GRIN2A: variants seen among roughly 807,000 people sequenced by gnomAD.
GRIN2A encodes glutamate receptor ionotropic, NMDA 2A.
Under a neutral mutation model 113.4 loss-of-function variants are expected in GRIN2A, and 22 were observed. That is an observed-to-expected ratio of 0.19 (90% confidence interval 0.14 to 0.28). The LOEUF is 0.28. GRIN2A is among the 10% of genes least tolerant of loss of function. The probability of loss-of-function intolerance (pLI) is 1.00; values close to 1 mark genes in which losing one functional copy is unlikely to be tolerated. For missense variants in GRIN2A, 1,502 were observed against 1,887.0 expected (o/e 0.80, Z 3.78); for synonymous variants, 827 against 738.4 (o/e 1.12, Z -1.94).
chr16:9,852,546 TC>T (rs1252238549), intron 4 of GRIN2A, among the ~76,000 whole-genome samples: 1 of 152,142 alleles, frequency 6.6e-6, no homozygotes, highest in Non-Finnish European at 1.5e-5. Flanking sequence ...TACTCCCTGT[TC>T]CTGACACATC....
chr16:10,007,014 T>G (rs1188149331), intron 2 of GRIN2A, among the ~76,000 whole-genome samples: 1 of 152,256 alleles, frequency 6.6e-6, no homozygotes, highest in Non-Finnish European at 1.5e-5. Context: ...GTACCACATT[T>G]TCTTTATGCA....
chr16:9,906,043 C>T (rs2044022523), intron 3 of GRIN2A, among the ~76,000 whole-genome samples: 1 of 152,186 alleles, frequency 6.6e-6, no homozygotes, highest in Non-Finnish European at 1.5e-5. Flanking sequence ...ATTTCTGTTG[C>T]TTGCTACCAA....
At chr16:10,179,698 A>ACCACCG (rs1439392356) in intron 2 of GRIN2A, 3 of 466,532 alleles carry the variant, frequency 6.4e-6, no homozygotes, top group Non-Finnish European at 1.2e-5. Flanking sequence ...CAAACATGCC[A>ACCACCG]CCACCGCCAC....
rs192263418 is a variant in GRIN2A at position 9,986,743 on chromosome 16, C to A, written c.415-48192G>T. On this transcript the variant is annotated intron_variant, in intron 2 of 12. Transcript: ENST00000330684. ...TCACGCCATTGCACTCCAACCCAGGCAACAGTGCAAGACGCTGTCTCAAAA... is the reference window on the plus strand; with the variant it reads ...TCACGCCATTGCACTCCAACCCAGGAAACAGTGCAAGACGCTGTCTCAAAA... Among the ~76,000 whole-genome samples, 9 of 120,694 alleles carry A rather than the reference C, an allele frequency of 7.5e-5. No homozygotes were observed. In the East Asian group the frequency reaches 9.5e-4, roughly 13 times the overall value. 79.2% of individuals were successfully genotyped at this position (120,694 alleles called of 152,430 possible). A position where few individuals can be genotyped will look rare whatever the true frequency, so the allele number is the denominator to read the frequency against.
intron 2 of GRIN2A, among the ~76,000 whole-genome samples, chr16:10,092,366 G>C (rs970353402): frequency 1.3e-5 from 2 of 152,170 alleles, no homozygotes; most frequent in Admixed American, 6.5e-5. Context: ...ATGCAATGTT[G>C]TGTGAGGTCT....
intron 2 of GRIN2A, among the ~76,000 whole-genome samples, chr16:10,150,455 G>A (rs1017926403): frequency 6.6e-6 from 1 of 152,128 alleles, no homozygotes; most frequent in Non-Finnish European, 1.5e-5. Flanking sequence ...ACAAAACCAG[G>A]TCTATTTTAA....
At position 9,937,834 on chromosome 16, in the gene GRIN2A, C is replaced by T. The variant is rs1473097087; in HGVS notation, c.1007+125G>A. On this transcript the variant is annotated intron_variant, in intron 3 of 12. Coordinates refer to ENST00000330684, the MANE Select transcript of GRIN2A (RefSeq NM_001134407.3). ...AGAGAGGAGAGCAAAATAAAAGTCC[C>T]GTAAGTAAACACATAACATTCTGCA... 9.7e-6 allele frequency: 7 copies of T among 720,660 alleles called. No homozygotes were observed. The Admixed American group carries it at 1.0e-4, about 11-fold the overall frequency. 44.6% of individuals were successfully genotyped at this position (720,660 alleles called of 1,614,324 possible).
intron 2 of GRIN2A, among the ~76,000 whole-genome samples, chr16:10,009,154 G>C (rs1272666084): frequency 1.3e-5 from 2 of 152,310 alleles, no homozygotes; most frequent in African/African-American, 4.8e-5. Flanking sequence ...ATTTTGAAAG[G>C]CTTAGCCAAA....
chr16:9,867,963 T>C (rs957506719), intron 4 of GRIN2A, among the ~76,000 whole-genome samples: 1 of 151,958 alleles, frequency 6.6e-6, no homozygotes, highest in African/African-American at 2.4e-5. Flanking sequence ...GAACTCAGCC[T>C]CTTATCTTCC....
intron 2 of GRIN2A, among the ~76,000 whole-genome samples, chr16:10,128,783 T>G (rs142924129): frequency 3.8e-4 from 58 of 152,328 alleles, no homozygotes; most frequent in African/African-American, 1.3e-3. Context: ...ATCCATGAGA[T>G]AGCTGAGAAG....
At chr16:9,821,180 T>C (rs1458548795) in intron 10 of GRIN2A, among the ~76,000 whole-genome samples, 3 of 152,182 alleles carry the variant, frequency 2.0e-5, no homozygotes, top group Non-Finnish European at 4.4e-5. Flanking sequence ...CCTACAGTCA[T>C]GTTTCCATGC....
At chr16:9,809,265 C>A (rs1409708297) in intron 10 of GRIN2A, among the ~76,000 whole-genome samples, 1 of 151,950 alleles carries the variant, frequency 6.6e-6, no homozygotes, top group African/African-American at 2.4e-5. Context: ...ATTAAAAATA[C>A]AAAAATCAGC....
At chr16:10,056,235 A>T (rs142757165) in intron 2 of GRIN2A, among the ~76,000 whole-genome samples, 3 of 152,344 alleles carry the variant, frequency 2.0e-5, no homozygotes, top group South Asian at 2.1e-4. Flanking sequence ...CCATACATAT[A>T]TCCAAGCAAC....
chr16:9,899,284 C>A (rs1210205262), intron 3 of GRIN2A, among the ~76,000 whole-genome samples: 1 of 151,288 alleles, frequency 6.6e-6, no homozygotes, highest in African/African-American at 2.4e-5. Context: ...ACTAAAAATA[C>A]CAAAAATTAG....
intron 5 of GRIN2A, among the ~76,000 whole-genome samples, chr16:9,842,516 T>C (rs766167453): frequency 2.6e-5 from 4 of 152,160 alleles, no homozygotes; most frequent in Admixed American, 6.5e-5. Context: ...TCCAACATCA[T>C]CACAGGAAAA....
intron 3 of GRIN2A, among the ~76,000 whole-genome samples, chr16:9,924,125 A>AC (rs1376619573): frequency 2.6e-4 from 39 of 151,058 alleles, no homozygotes; most frequent in African/African-American, 8.5e-4. Context: ...AAAAAAAAAA[A>AC]AAAAAAAAAA....
chr16:10,072,566 A>T (rs142289440), intron 2 of GRIN2A, among the ~76,000 whole-genome samples: 17 of 152,280 alleles, frequency 1.1e-4, no homozygotes, highest in African/African-American at 3.9e-4. Flanking sequence ...TATAGTATGC[A>T]GTCAAGTTTG....
chr16:10,160,728 G>C (rs1386155773), intron 2 of GRIN2A, among the ~76,000 whole-genome samples: 1 of 152,212 alleles, frequency 6.6e-6, no homozygotes, highest in Non-Finnish European at 1.5e-5. Flanking sequence ...AACAAAACTT[G>C]ATCTCAATAT....
chr16:9,822,437 C>A lies in GRIN2A; in HGVS notation c.2008-13G>T, dbSNP rs757459038. On this transcript the variant is annotated splice_polypyrimidine_tract_variant and intron_variant, in intron 9 of 12. Coordinates refer to ENST00000330684, the MANE Select transcript of GRIN2A (RefSeq NM_001134407.3). ...GAGGTCTCTGAAACTGGAGAGAGAA[C>A]GAGAAAGGAAGAGAGAGAGTAGGAA... The A allele has an allele frequency of 6.4e-7, 1 of 1,573,924 alleles. No homozygotes were observed. Among genetic ancestry groups the A allele is most frequent in the South Asian group, 1.1e-5 (1 of 90,240 alleles).
Sources: allele counts gnomAD v4.1 joint callset (sites outside exome capture counted in the v4.1 genomes callset), GRCh38; gene constraint gnomAD v4.1.1; transcripts MANE v1.5; gene names NCBI Gene and HGNC (gene_info 2026-07-23, HGNC 2026-07-21).